CCDC126: variants seen among roughly 807,000 people sequenced by gnomAD.
The protein encoded by CCDC126 is coiled-coil domain containing 126.
CCDC126 carries 5 observed loss-of-function variants against 11.7 expected under a neutral mutation model. The observed-to-expected ratio is 0.43, with a 90% CI of 0.22 to 0.90. CCDC126 has a LOEUF of 0.90. CCDC126 is among the 40% of genes least tolerant of loss of function. The pLI, the probability that CCDC126 is intolerant of heterozygous loss-of-function variation, is 0.27. For synonymous variants in CCDC126, 60 were observed against 61.9 expected, an observed-to-expected ratio of 0.97 and a Z score of 0.14; for missense variants, 150 against 163.1, an observed-to-expected ratio of 0.92 and a Z score of 0.44.
At position 23,637,844 on chromosome 7, in the gene CCDC126, G is replaced by T. The variant is rs1275828508; in HGVS notation, c.239-5087G>T. On this transcript the variant is annotated intron_variant, in intron 3 of 3. Coordinates refer to ENST00000307471, the MANE Select transcript of CCDC126 (RefSeq NM_138771.4). Reference sequence around the variant, plus strand: ...GCCCTGTCCGGGAGGGAGGTGGGGGGGTCAGCCCCCCGCCCGGCCGGCCGC... The same window carrying T: ...GCCCTGTCCGGGAGGGAGGTGGGGGTGTCAGCCCCCCGCCCGGCCGGCCGC... Among the ~76,000 whole-genome samples, 17 of 118,648 alleles carry T rather than the reference G, an allele frequency of 1.4e-4. No individual in the cohort carries two copies. The East Asian group carries it at 5.1e-3, about 35-fold the overall frequency. The allele number at this position is 118,648 out of a possible 152,430, so 77.8% of individuals were successfully genotyped here.
Position 23,611,280 on chromosome 7 carries a change from T to C in CCDC126, c.-36T>C, listed in dbSNP as rs1377544063. On this transcript the variant is annotated 5_prime_UTR_variant, in exon 3 of 4. Transcript: ENST00000307471. Reference sequence around the variant, plus strand: ...ATTTGTGGCTTACCTCAAGTTACCATTTTTCAGTCAAGTCTGTTTGTTTGC... The same window carrying C: ...ATTTGTGGCTTACCTCAAGTTACCACTTTTCAGTCAAGTCTGTTTGTTTGC... 1 of 1,351,476 alleles carries C rather than the reference T, an allele frequency of 7.4e-7. No homozygotes were observed. The highest frequency in any genetic ancestry group is 1.1e-6 in the Non-Finnish European group (1 of 946,520). 83.7% of individuals were successfully genotyped at this position (1,351,476 alleles called of 1,614,324 possible).
chr7:23,641,710 G>A (rs1043008545), intron 3 of CCDC126, among the ~76,000 whole-genome samples: 1 of 152,154 alleles, frequency 6.6e-6, no homozygotes, highest in African/African-American at 2.4e-5. Flanking sequence ...GTGATTCTGG[G>A]AAACCTGAGA....
rs1048501001 is a variant in CCDC126 at position 23,643,977 on chromosome 7, G to A, written c.*862G>A. ...GGAAAGCACATTATTTCCATATTTGGGTTAATTTTGCTTTTATTATATTGG... is the reference window on the plus strand; with the variant it reads ...GGAAAGCACATTATTTCCATATTTGAGTTAATTTTGCTTTTATTATATTGG... On this transcript the variant is annotated 3_prime_UTR_variant, in exon 4 of 4. Transcript: ENST00000307471. The A allele has an allele frequency of 1.3e-5, 2 of 152,004 alleles. No homozygotes were observed. Among genetic ancestry groups the A allele is most frequent in the African/African-American group, 4.8e-5 (2 of 41,388 alleles). 9.4% of individuals were successfully genotyped at this position (152,004 alleles called of 1,614,324 possible).
chr7:23,605,631 A>G (rs1782611328), intron 2 of CCDC126, among the ~76,000 whole-genome samples: 1 of 152,184 alleles, frequency 6.6e-6, no homozygotes. Context: ...ATGTGGTAGC[A>G]TGTATCAGAA....
At chr7:23,607,973 G>C (rs749909903) in intron 2 of CCDC126, among the ~76,000 whole-genome samples, 1 of 152,206 alleles carries the variant, frequency 6.6e-6, no homozygotes, top group Non-Finnish European at 1.5e-5. Context: ...CTTGGAGAGA[G>C]GGACAAAGGG....
Position 23,611,151 on chromosome 7 carries a change from T to A in CCDC126, c.-145-20T>A. On this transcript the variant is annotated intron_variant, in intron 2 of 3. Transcript: ENST00000307471. ...TGATACAGATTAAGACTAATACTGT[T>A]TTTCTTCTTAATTTTACAGAGTTAA... is the stretch of plus-strand genomic sequence containing the variant. 1.7e-6 allele frequency: 1 copy of A among 580,152 alleles called. No homozygotes were observed. Among genetic ancestry groups the A allele is most frequent in the South Asian group, 2.1e-5 (1 of 46,944 alleles). 35.9% of individuals were successfully genotyped at this position (580,152 alleles called of 1,614,324 possible). A position where few individuals can be genotyped will look rare whatever the true frequency, so the allele number is the denominator to read the frequency against.
rs1782677963 is a variant in CCDC126 at position 23,609,904 on chromosome 7, G to T, written c.-145-1267G>T. ...ATACAATTTTAAAAAAGTTCTTAAGGATTATTTTCAGTAAGCTGTGAAATA... is the reference window on the plus strand; with the variant it reads ...ATACAATTTTAAAAAAGTTCTTAAGTATTATTTTCAGTAAGCTGTGAAATA... On this transcript the variant is annotated intron_variant, in intron 2 of 3. Coordinates refer to ENST00000307471, the MANE Select transcript of CCDC126 (RefSeq NM_138771.4). Among the ~76,000 whole-genome samples, 3 of 152,026 alleles carry T rather than the reference G, an allele frequency of 2.0e-5. No homozygotes were observed. In the South Asian group the frequency reaches 6.2e-4, roughly 32 times the overall value.
At chr7:23,604,997 CAAAAA>C (rs35137744) in intron 2 of CCDC126, among the ~76,000 whole-genome samples, 2 of 92,630 alleles carry the variant, frequency 2.2e-5, no homozygotes, top group Admixed American at 1.2e-4. Flanking sequence ...GACTTCGTCT[CAAAAA>C]AAAAAAAAAA....
At chr7:23,641,792 A>G (rs1783361694) in intron 3 of CCDC126, among the ~76,000 whole-genome samples, 1 of 152,232 alleles carries the variant, frequency 6.6e-6, no homozygotes, top group South Asian at 2.1e-4. Context: ...ACTCCATAAC[A>G]TTACAAAGAG....
At chr7:23,633,280 CTG>C (rs1238755192) in intron 3 of CCDC126, among the ~76,000 whole-genome samples, 1 of 152,180 alleles carries the variant, frequency 6.6e-6, no homozygotes, top group African/African-American at 2.4e-5. Context: ...GCGTGAGCCA[CTG>C]TGCCCGGCCC....
At chr7:23,629,724 C>CAG (rs35067844) in intron 3 of CCDC126, among the ~76,000 whole-genome samples, 134,245 of 152,114 alleles carry the variant, frequency 0.88, 59,388 homozygotes, top group African/African-American at 0.94. Context: ...ATGGAGGGGA[C>CAG]AGGAAAGAAT....
intron 3 of CCDC126, among the ~76,000 whole-genome samples, chr7:23,628,712 CA>C (rs1325563643): frequency 0.059 from 9,012 of 152,122 alleles, 778 homozygotes; most frequent in African/African-American, 0.19. Context: ...CATGGAGAAT[CA>C]GGACTTTACC....
chr7:23,640,483 G>A (rs936360137), intron 3 of CCDC126, among the ~76,000 whole-genome samples: 1 of 152,092 alleles, frequency 6.6e-6, no homozygotes, highest in Admixed American at 6.5e-5. Context: ...GGCAGCAAGA[G>A]TGAAACTCTG....
rs556807966 is a variant in CCDC126, at chr7:23,618,651, A to G, written c.238+7098A>G. ...CTGCAACATCCACCTCCTGGGTTCA[A>G]GTGACTCTCCTGCCTCAGCCTCCCG... On this transcript the variant is annotated intron_variant, in intron 3 of 3. Transcript: ENST00000307471. 1.3e-4 allele frequency among the ~76,000 whole-genome samples: 19 copies of G among 150,622 alleles called. No individual in the cohort carries two copies. The South Asian group carries it at 3.6e-3, about 28-fold the overall frequency.
chr7:23,632,369 T>TA (rs1253599224), intron 3 of CCDC126, among the ~76,000 whole-genome samples: 1 of 152,222 alleles, frequency 6.6e-6, no homozygotes, highest in Non-Finnish European at 1.5e-5. Flanking sequence ...GTGCTGGGAT[T>TA]ACAGGCATGA....
intron 3 of CCDC126, among the ~76,000 whole-genome samples, chr7:23,624,734 A>C (rs1782984161): frequency 6.6e-6 from 1 of 152,238 alleles, no homozygotes; most frequent in South Asian, 2.1e-4. Flanking sequence ...ATGGCATCGT[A>C]CTGTACATGT....
chr7:23,612,854 T>C (rs1310239298), intron 3 of CCDC126, among the ~76,000 whole-genome samples: 2 of 152,216 alleles, frequency 1.3e-5, no homozygotes, highest in Non-Finnish European at 2.9e-5. Context: ...GTTCTCCCTT[T>C]CACATTACTG....
At chr7:23,604,715 G>A (rs1782592425) in intron 2 of CCDC126, among the ~76,000 whole-genome samples, 1 of 152,002 alleles carries the variant, frequency 6.6e-6, no homozygotes, top group Non-Finnish European at 1.5e-5. Flanking sequence ...AAAATGATAG[G>A]GCCAGGTGCG....
At chr7:23,605,171 A>G (rs1378452796) in intron 2 of CCDC126, among the ~76,000 whole-genome samples, 1 of 151,992 alleles carries the variant, frequency 6.6e-6, no homozygotes, top group African/African-American at 2.4e-5. Context: ...TAGCAATTGT[A>G]TAGACCCTGA....
Sources: allele counts gnomAD v4.1 joint callset (sites outside exome capture counted in the v4.1 genomes callset), GRCh38; gene constraint gnomAD v4.1.1; transcripts MANE v1.5; gene names NCBI Gene and HGNC (gene_info 2026-07-23, HGNC 2026-07-21).